WWOX: variants seen among roughly 807,000 people sequenced by gnomAD.
WWOX encodes WW domain containing oxidoreductase.
A neutral mutation model predicts 46.2 loss-of-function variants in WWOX; 69 were observed. The observed-to-expected ratio is 1.49, with a 90% CI of 1.23 to 1.82. WWOX has a LOEUF of 1.82. Among genes scored for constraint, WWOX ranks in the 40% most tolerant of loss-of-function variants. The pLI is 0.00. For synonymous variants in WWOX, 359 were observed against 202.6 expected, an observed-to-expected ratio of 1.77 and a Z score of -6.56; for missense variants, 919 against 542.6, an observed-to-expected ratio of 1.69 and a Z score of -6.89.
chr16:78,416,321 G>A (rs1353077965), intron 6 of WWOX, among the ~76,000 whole-genome samples: 2 of 152,114 alleles, frequency 1.3e-5, no homozygotes, highest in East Asian at 3.9e-4. Context: ...TTAAAGTGAG[G>A]CAAAAGTAAT....
chr16:78,155,302 A>G (rs1015430243), intron 4 of WWOX, among the ~76,000 whole-genome samples: 1 of 151,942 alleles, frequency 6.6e-6, no homozygotes, highest in Non-Finnish European at 1.5e-5. Context: ...AAGGGAAGAA[A>G]GTATGGGCCA....
At chr16:79,164,776 TCAGTGA>T (rs1352297310) in intron 8 of WWOX, among the ~76,000 whole-genome samples, 1 of 152,072 alleles carries the variant, frequency 6.6e-6, no homozygotes, top group Non-Finnish European at 1.5e-5. Context: ...GTCAGCAAAC[TCAGTGA>T]CAGAGGCAAG....
intron 8 of WWOX, among the ~76,000 whole-genome samples, chr16:78,845,850 G>C (rs760374242): frequency 2.6e-5 from 4 of 152,136 alleles, no homozygotes; most frequent in East Asian, 1.9e-4. Context: ...GAATATGAGA[G>C]TGAATATTCT....
At chr16:78,193,830 T>C (rs2035959722) in intron 5 of WWOX, among the ~76,000 whole-genome samples, 1 of 150,388 alleles carries the variant, frequency 6.6e-6, no homozygotes, top group Non-Finnish European at 1.5e-5. Context: ...TTATTATTAT[T>C]ATTATTATTT....
At chr16:78,800,490 C>T (rs2142650119) in intron 8 of WWOX, among the ~76,000 whole-genome samples, 1 of 152,306 alleles carries the variant, frequency 6.6e-6, no homozygotes, top group South Asian at 2.1e-4. Flanking sequence ...CTTCTTTCTC[C>T]TACGAATTTG....
At chr16:78,327,690 A>G (rs2057762592) in intron 5 of WWOX, among the ~76,000 whole-genome samples, 1 of 151,982 alleles carries the variant, frequency 6.6e-6, no homozygotes, top group African/African-American at 2.4e-5. Context: ...TTCTCAGTAG[A>G]TGCTTTCCTC....
At chr16:78,547,149 A>C (rs549648442) in intron 8 of WWOX, among the ~76,000 whole-genome samples, 1,850 of 104,920 alleles carry the variant, frequency 0.018, 67 homozygotes, top group Middle Eastern at 0.062. Flanking sequence ...AAAAAAAAAA[A>C]AAAAAAAAAA....
chr16:78,707,758 C>G (rs527698653), intron 8 of WWOX, among the ~76,000 whole-genome samples: 1 of 151,908 alleles, frequency 6.6e-6, no homozygotes, highest in East Asian at 1.9e-4. Flanking sequence ...TGGTGCACAC[C>G]TGTAGTCCCA....
chr16:78,308,658 C>T (rs1428900323), intron 5 of WWOX, among the ~76,000 whole-genome samples: 2 of 152,122 alleles, frequency 1.3e-5, no homozygotes, highest in Non-Finnish European at 2.9e-5. Context: ...TTTCCTGATC[C>T]AGGAGAGATT....
At chr16:79,179,729 C>T (rs1007636330) in intron 8 of WWOX, among the ~76,000 whole-genome samples, 35 of 152,144 alleles carry the variant, frequency 2.3e-4, no homozygotes, top group African/African-American at 7.5e-4. Flanking sequence ...TCAGTGAATC[C>T]AGTAGATGTT....
intron 8 of WWOX, among the ~76,000 whole-genome samples, chr16:78,989,480 C>A (rs960272066): frequency 5.9e-5 from 9 of 152,162 alleles, no homozygotes; most frequent in Non-Finnish European, 1.3e-4. Context: ...GGATCCCTGT[C>A]CATAGCGCCC....
At chr16:78,330,967 T>C (rs1224941395) in intron 5 of WWOX, among the ~76,000 whole-genome samples, 1 of 152,232 alleles carries the variant, frequency 6.6e-6, no homozygotes, top group African/African-American at 2.4e-5. Flanking sequence ...TAGTCTTTTC[T>C]GGAGCAGTCT....
chr16:78,204,096 A>G (rs1195129819), intron 5 of WWOX, among the ~76,000 whole-genome samples: 1 of 152,164 alleles, frequency 6.6e-6, no homozygotes, highest in Non-Finnish European at 1.5e-5. Flanking sequence ...CTGCCCGGAG[A>G]CGGGACAGTT....
chr16:78,900,553 G>A (rs921741915), intron 8 of WWOX, among the ~76,000 whole-genome samples: 2 of 152,056 alleles, frequency 1.3e-5, no homozygotes, highest in Non-Finnish European at 2.9e-5. Flanking sequence ...TTCCAATTTG[G>A]ATATTTCGTG....
rs2050900993 is a variant in WWOX, at chr16:78,801,903, AT to A, written c.1056+369154del. On this transcript the variant is annotated intron_variant, in intron 8 of 8. Transcript: ENST00000566780. ...TGATCTAAAATTAACTGGTTTTGTG[AT>A]TTGGTGTAAATCGCTTAACCTCTTT... 2.0e-5 allele frequency among the ~76,000 whole-genome samples: 3 copies of A among 152,186 alleles called. No homozygotes were observed. The South Asian group carries it at 6.2e-4, about 32-fold the overall frequency.
At chr16:78,463,423 C>T (rs961961505) in intron 8 of WWOX, among the ~76,000 whole-genome samples, 69 of 152,184 alleles carry the variant, frequency 4.5e-4, no homozygotes, top group Non-Finnish European at 8.8e-4. Context: ...TATTTCCATG[C>T]CTCGCAGCAA....
intron 8 of WWOX, among the ~76,000 whole-genome samples, chr16:78,484,561 G>A (rs969765028): frequency 7.2e-5 from 11 of 152,132 alleles, no homozygotes; most frequent in African/African-American, 2.4e-4. Context: ...TAATAATCAC[G>A]TATACTTAAG....
chr16:79,180,920 G>C (rs1245377754), intron 8 of WWOX, among the ~76,000 whole-genome samples: 1 of 152,158 alleles, frequency 6.6e-6, no homozygotes. Context: ...AAGGACATTT[G>C]TGTCTGGTCT....
chr16:78,477,779 A>G (rs1258868039), intron 8 of WWOX, among the ~76,000 whole-genome samples: 1 of 152,204 alleles, frequency 6.6e-6, no homozygotes, highest in African/African-American at 2.4e-5. Context: ...TTGTAGAAGG[A>G]GAGAATTATG....
Sources: gnomAD v4.1 joint callset for allele counts (sites outside exome capture counted in the v4.1 genomes callset) on GRCh38, gnomAD v4.1.1 for gene constraint, MANE v1.5 for transcripts, NCBI Gene and HGNC (gene_info 2026-07-23, HGNC 2026-07-21) for gene names.